Variants in UACA observed in about 807,000 individuals in gnomAD.
The protein encoded by UACA is uveal autoantigen with coiled-coil domains and ankyrin repeats, also known as nuclear membrane binding protein.
UACA carries 112 observed loss-of-function variants against 160.5 expected under a neutral mutation model. The observed-to-expected ratio is 0.70, with a 90% CI of 0.60 to 0.82. The LOEUF (loss-of-function observed/expected upper bound fraction) is 0.82. UACA is among the 40% of genes least tolerant of loss of function. The probability of loss-of-function intolerance (pLI) is 0.00; values close to 1 mark genes in which losing one functional copy is unlikely to be tolerated. For synonymous variants in UACA, 557 were observed against 568.4 expected, an observed-to-expected ratio of 0.98 and a Z score of 0.29; for missense variants, 1,574 against 1,614.6, an observed-to-expected ratio of 0.97 and a Z score of 0.43.
At chr15:70,721,300 G>T (rs984762101) in intron 1 of UACA, among the ~76,000 whole-genome samples, 9 of 152,234 alleles carry the variant, frequency 5.9e-5, no homozygotes, top group Admixed American at 1.3e-4. Flanking sequence ...AGTTCAGTTT[G>T]GTTGTTGGAT....
intron 1 of UACA, among the ~76,000 whole-genome samples, chr15:70,715,841 G>C (rs1020146440): frequency 6.6e-6 from 1 of 152,090 alleles, no homozygotes; most frequent in African/African-American, 2.4e-5. Context: ...TTTCAAAATT[G>C]TTTAGAAAAA....
chr15:70,657,249 CATT>C, intron 18 of UACA, 122 bp from the exon 19 acceptor site: 2 of 756,740 alleles, frequency 2.6e-6, no homozygotes, highest in Admixed American at 4.5e-5. Context: ...AAATCCTCAT[CATT>C]GTGATTTCTA....
At chr15:70,669,514 T>G in intron 15 of UACA, 52 bp from the exon 16 acceptor site, 3 of 1,394,188 alleles carry the variant, frequency 2.2e-6, no homozygotes, top group Non-Finnish European at 2.9e-6. Context: ...ATGAGACATT[T>G]ACTATACTTA....
rs1422376232 is a variant in UACA at position 70,655,763 on chromosome 15, C to T, written c.*1293G>A. On this transcript the variant is annotated 3_prime_UTR_variant, in exon 19 of 19. Coordinates refer to ENST00000322954, the MANE Select transcript of UACA (RefSeq NM_018003.4). ...GAAGTCATTTTGATGGTATTTTTAC[C>T]CTATTAAACAAAAATGGGATTTAAA... 6.6e-6 allele frequency: 1 copy of T among 151,572 alleles called. No individual in the cohort carries two copies. Among genetic ancestry groups the T allele is most frequent in the East Asian group, 1.9e-4 (1 of 5,186 alleles). The allele number at this position is 151,572 out of a possible 1,614,324, so 9.4% of individuals were successfully genotyped here.
chr15:70,720,507 A>C (rs184756194), intron 1 of UACA, among the ~76,000 whole-genome samples: 17 of 152,284 alleles, frequency 1.1e-4, no homozygotes, highest in Admixed American at 1.0e-3. Context: ...TTTATTGTGG[A>C]TATCCTGTCT....
At chr15:70,699,035 T>G (rs1222999060) in intron 2 of UACA, among the ~76,000 whole-genome samples, 12 of 152,214 alleles carry the variant, frequency 7.9e-5, no homozygotes, top group Admixed American at 6.5e-4. Context: ...CTAAGCATTC[T>G]CATTTAAGTG....
chr15:70,658,071 G>T (rs1896547958), intron 18 of UACA, among the ~76,000 whole-genome samples: 1 of 152,168 alleles, frequency 6.6e-6, no homozygotes, highest in Non-Finnish European at 1.5e-5. Flanking sequence ...CTGGATGGCA[G>T]AGCAAGAATC....
chr15:70,700,244 C>T (rs368210233), intron 1 of UACA, among the ~76,000 whole-genome samples: 1 of 148,188 alleles, frequency 6.7e-6, no homozygotes, highest in Non-Finnish European at 1.5e-5. Flanking sequence ...CTACCCCCCC[C>T]CAACACAGAC....
intron 1 of UACA, among the ~76,000 whole-genome samples, chr15:70,752,786 C>CA (rs1206796445): frequency 6.6e-6 from 1 of 152,116 alleles, no homozygotes; most frequent in Non-Finnish European, 1.5e-5. Flanking sequence ...GATACACACA[C>CA]ACACACCCCT....
At chr15:70,718,324 A>ATGGGTGTG (rs1898886803) in intron 1 of UACA, among the ~76,000 whole-genome samples, 1 of 60,182 alleles carries the variant, frequency 1.7e-5, no homozygotes, top group Non-Finnish European at 3.0e-5. Flanking sequence ...GAGAGAGAGA[A>ATGGGTGTG]TGTGTGTGTG....
At position 70,668,970 on chromosome 15, in the gene UACA, T is replaced by A; in HGVS notation, c.1714A>T (p.Met572Leu). The A allele has an allele frequency of 6.2e-7, 1 of 1,613,948 alleles. No individual in the cohort carries two copies. Among genetic ancestry groups the A allele is most frequent in the East Asian group, 2.2e-5 (1 of 44,876 alleles). Reference protein sequence around the residue: ...KLRNQIKQNEMIVEEFKRDEG... With the variant: ...KLRNQIKQNELIVEEFKRDEG... Reference sequence around the variant, plus strand: ...TCCCTCTTAAACTCTTCTACTATCATCTCATTTTGTTTGATTTGGTTTCTT... The same window carrying A: ...TCCCTCTTAAACTCTTCTACTATCAACTCATTTTGTTTGATTTGGTTTCTT... The change falls in exon 16 of 19, where the codon ATG becomes TTG. Residue 572 changes from methionine (M) to leucine (L), a missense_variant. Coordinates refer to ENST00000322954, the MANE Select transcript of UACA (RefSeq NM_018003.4).
In UACA at chr15:70,729,525, G is replaced by A. The variant is rs535001241; in HGVS notation, c.79-29865C>T. Among the ~76,000 whole-genome samples the A allele has an allele frequency of 6.7e-5, 7 of 104,092 alleles. No homozygotes were observed. In the East Asian group the frequency reaches 6.9e-4, roughly 10 times the overall value. The allele number at this position is 104,092 out of a possible 152,430, so 68.3% of individuals were successfully genotyped here. A position where few individuals can be genotyped will look rare whatever the true frequency, so the allele number is the denominator to read the frequency against. On this transcript the variant is annotated intron_variant, in intron 1 of 18. Coordinates refer to ENST00000322954, the MANE Select transcript of UACA (RefSeq NM_018003.4). The stretch of plus-strand genomic sequence containing the variant: ...TAAAGATGGGAACAACCCTTCCGCC[G>A]CCTGTGAAGGGACCCACCGAGCTCC...
intron 1 of UACA, among the ~76,000 whole-genome samples, chr15:70,715,156 A>C (rs961882788): frequency 6.6e-6 from 1 of 152,242 alleles, no homozygotes; most frequent in Non-Finnish European, 1.5e-5. Context: ...AAATGTCATA[A>C]GTAAAATTTT....
At chr15:70,763,164 G>A (rs1166201457) in intron 1 of UACA, among the ~76,000 whole-genome samples, 166 bp downstream of exon 1, 1 of 152,182 alleles carries the variant, frequency 6.6e-6, no homozygotes, top group Non-Finnish European at 1.5e-5. Context: ...GATCCCCGGG[G>A]TCTCTGGGCT....
chr15:70,736,363 AT>A (rs1481371235), intron 1 of UACA, among the ~76,000 whole-genome samples: 1 of 152,196 alleles, frequency 6.6e-6, no homozygotes, highest in Non-Finnish European at 1.5e-5. Context: ...TCTAAAAATT[AT>A]ATTTTATTAT....
chr15:70,674,060 C>T (rs1379059831), intron 13 of UACA, among the ~76,000 whole-genome samples: 1 of 152,114 alleles, frequency 6.6e-6, no homozygotes, highest in African/African-American at 2.4e-5. Flanking sequence ...CGGGATTTCA[C>T]CATGTTGCCC....
the UACA span, among the ~76,000 whole-genome samples, chr15:70,771,190 T>C: frequency 3.3e-5 from 5 of 152,338 alleles, no homozygotes; most frequent in South Asian, 1.0e-3. Context: ...CCGTGCTTCC[T>C]GACAACAAAG....
chr15:70,739,852 TA>T (rs1899475476), intron 1 of UACA, among the ~76,000 whole-genome samples: 1 of 152,200 alleles, frequency 6.6e-6, no homozygotes, highest in Non-Finnish European at 1.5e-5. Flanking sequence ...AATTCTGTCT[TA>T]CAACTCTATC....
At chr15:70,701,785 A>G (rs1389832624) in intron 1 of UACA, 3 of 1,255,788 alleles carry the variant, frequency 2.4e-6, no homozygotes, top group Admixed American at 4.5e-5. Flanking sequence ...AAAGCAAACC[A>G]AATTAATAAA....
Sources: gnomAD v4.1 joint callset for allele counts (sites outside exome capture counted in the v4.1 genomes callset) on GRCh38, gnomAD v4.1.1 for gene constraint, MANE v1.5 for transcripts, NCBI Gene and HGNC (gene_info 2026-07-23, HGNC 2026-07-21) for gene names.